EPHA8: variants seen among roughly 807,000 people sequenced by gnomAD.
EPHA8 encodes the protein ephrin type-A receptor 8.
Under a neutral mutation model 103.6 loss-of-function variants are expected in EPHA8, and 58 were observed. The observed-to-expected ratio is 0.56, with a 90% CI of 0.45 to 0.70. The LOEUF (loss-of-function observed/expected upper bound fraction) is 0.70. EPHA8 is among the 30% of genes least tolerant of loss of function. The probability of loss-of-function intolerance (pLI) is 0.00; values close to 1 mark genes in which losing one functional copy is unlikely to be tolerated. For missense variants in EPHA8, 1,304 were observed against 1,395.2 expected (o/e 0.93, Z 1.04); for synonymous variants, 559 against 572.5 (o/e 0.98, Z 0.34).
chr1:22,595,087 G>C (rs1305476483), intron 7 of EPHA8, 143 bp from the exon 8 acceptor site: 2 of 560,876 alleles, frequency 3.6e-6, no homozygotes. Flanking sequence ...ACTGGCCTGC[G>C]CCCTGACTCT....
At chr1:22,568,905 C>T (rs1335243201) in intron 1 of EPHA8, among the ~76,000 whole-genome samples, 1 of 152,212 alleles carries the variant, frequency 6.6e-6, no homozygotes, top group Admixed American at 6.5e-5. Flanking sequence ...AGCTGAGACT[C>T]AGGGAGGTGA....
At chr1:22,587,432 T>G (rs1451717925) in intron 4 of EPHA8, among the ~76,000 whole-genome samples, 1 of 152,180 alleles carries the variant, frequency 6.6e-6, no homozygotes, top group Non-Finnish European at 1.5e-5. Flanking sequence ...CAAGGGTGCA[T>G]GTGCCTGGAG....
rs766039736 is a variant in EPHA8 at position 22,576,371 on chromosome 1, T to TG, written c.315dup (p.Arg106AlafsTer97). On this transcript the variant is annotated frameshift_variant, in exon 3 of 17. Transcript: ENST00000166244. LOFTEE classifies it high-confidence loss of function. The surrounding 1 kb of genome is among the most constrained non-coding windows in gnomAD (Gnocchi z 4.8). Reference sequence around the variant, plus strand: ...GTCTATGCTGAGATCAAGTTTACCCTGCGCGACTGCAACAGCATGCCTGGT... The same window carrying TG: ...GTCTATGCTGAGATCAAGTTTACCCTGGCGCGACTGCAACAGCATGCCTGGT... The TG allele has an allele frequency of 6.2e-7, 1 of 1,613,658 alleles. No homozygotes were observed. The highest frequency in any genetic ancestry group is 8.5e-7 in the Non-Finnish European group (1 of 1,179,990).
Position 22,601,613 on chromosome 1 carries a change from C to A in EPHA8, c.2904-14C>A. ...TCCCAGGCCCAGCTGGCCAGCAGCA[C>A]CCTTCCTTCACAGGGACGTGCGCGC... On this transcript the variant is annotated splice_polypyrimidine_tract_variant and intron_variant, in intron 16 of 16. Coordinates refer to ENST00000166244, the MANE Select transcript of EPHA8 (RefSeq NM_020526.5). The A allele has an allele frequency of 2.5e-6, 4 of 1,585,578 alleles. No homozygotes were observed. The highest frequency in any genetic ancestry group is 3.4e-6 in the Non-Finnish European group (4 of 1,166,160).
chr1:22,578,211 TGC>T (rs1375040108), intron 3 of EPHA8, among the ~76,000 whole-genome samples: 3 of 137,544 alleles, frequency 2.2e-5, no homozygotes, highest in Non-Finnish European at 4.8e-5. Flanking sequence ...TGCGAGTGTG[TGC>T]GTGTGAGTGT....
chr1:22,583,888 A>G (rs2148244954), intron 3 of EPHA8, among the ~76,000 whole-genome samples: 1 of 152,324 alleles, frequency 6.6e-6, no homozygotes, highest in Non-Finnish European at 1.5e-5. Flanking sequence ...GGCTTCCCTC[A>G]GGCCCCGCAT....
Position 22,595,310 on chromosome 1 carries a change from A to G in EPHA8, c.1684A>G (p.Ile562Val), listed in dbSNP as rs973512254. Residue 562 changes from isoleucine (I) to valine (V), a missense_variant, in exon 8 of 17, where the codon ATC (isoleucine) becomes GTC (valine). Coordinates refer to ENST00000166244, the MANE Select transcript of EPHA8 (RefSeq NM_020526.5). ...CCTGGTGGTGCTTCTGCTCCTGCTC[A>G]TCTGCAAGAAGAGGTGGGTGGTCTG... ...TGLVVLLLLL[I>V]CKKRHCGYSK... is the part of the protein sequence containing the mutation. 6.2e-7 allele frequency: 1 copy of G among 1,613,324 alleles called. No homozygotes were observed. The highest frequency in any genetic ancestry group is 1.3e-5 in the African/African-American group (1 of 74,988).
chr1:22,571,413 C>T (rs1009365895), intron 2 of EPHA8, among the ~76,000 whole-genome samples: 8 of 152,182 alleles, frequency 5.3e-5, no homozygotes, highest in Admixed American at 2.6e-4. Flanking sequence ...CATCATCAAG[C>T]AGGTTCCAGC....
chr1:22,580,598 CA>C (rs1005140734), intron 3 of EPHA8, among the ~76,000 whole-genome samples: 8 of 152,226 alleles, frequency 5.3e-5, no homozygotes, highest in Admixed American at 2.0e-4. Flanking sequence ...CCCCAGGCCA[CA>C]AGCTCTCATG....
intron 3 of EPHA8, among the ~76,000 whole-genome samples, chr1:22,578,261 C>T (rs960807483): frequency 4.2e-5 from 5 of 119,876 alleles, no homozygotes; most frequent in African/African-American, 9.8e-5. Flanking sequence ...TCTGTATACC[C>T]GTGTGTGCAT....
At chr1:22,588,783 TC>T in intron 4 of EPHA8, 87 bp from the exon 5 acceptor site, 1 of 1,500,180 alleles carries the variant, frequency 6.7e-7, no homozygotes, top group Non-Finnish European at 8.8e-7. Flanking sequence ...GGGGAGCCCT[TC>T]CCTTGGGGAG....
At chr1:22,565,406 T>C (rs866600217) in intron 1 of EPHA8, among the ~76,000 whole-genome samples, 2 of 149,068 alleles carry the variant, frequency 1.3e-5, no homozygotes, top group African/African-American at 5.0e-5. Context: ...GGTTGGGGGG[T>C]GCTGGGGAGT....
intron 3 of EPHA8, 123 bp downstream of exon 3, chr1:22,577,003 G>A: frequency 1.7e-6 from 2 of 1,153,116 alleles, no homozygotes; most frequent in South Asian, 3.3e-5. Flanking sequence ...ACAGCCCCTG[G>A]GAAGATGGAT....
intron 4 of EPHA8, among the ~76,000 whole-genome samples, chr1:22,588,329 G>A (rs1460977868): frequency 6.7e-6 from 1 of 149,050 alleles, no homozygotes; most frequent in Non-Finnish European, 1.5e-5. Context: ...CAAAGTCTTT[G>A]TGCTGCCCAG....
rs201818748 is a variant in EPHA8 at position 22,589,015 on chromosome 1, G to A, written c.1124G>A (p.Arg375His). The change falls in exon 5 of 17, where the codon CGC becomes CAC. Residue 375 changes from arginine (R) to histidine (H), a missense_variant. Arg to His is a conservative substitution (Grantham distance 29). Coordinates refer to ENST00000166244, the MANE Select transcript of EPHA8 (RefSeq NM_020526.5). The surrounding 1 kb of genome is among the most constrained non-coding windows in gnomAD (Gnocchi z 4.3). The stretch of plus-strand genomic sequence containing the variant: ...CGCCGCTGCCCCTGGGCACTGAGCC[G>A]CTGCGAGGCATGTGGGAGCGGCACC... ...VCRRCPWALS[R>H]CEACGSGTRF... The A allele has an allele frequency of 1.6e-4, 256 of 1,612,670 alleles. 1 individual carries two copies. The Middle Eastern group carries it at 2.6e-3, about 17-fold the overall frequency.
rs753771091 is a variant in EPHA8 at position 22,589,082 on chromosome 1, G to T, written c.1191G>T (p.Leu397=). ...AGACAAGCCTGGTGCAGGCCAGCCTGCTGGTGGCCAACCTGCTGGCCCACA... is the reference window on the plus strand; with the variant it reads ...AGACAAGCCTGGTGCAGGCCAGCCTTCTGGTGGCCAACCTGCTGGCCCACA... ...PQQTSLVQAS[L]LVANLLAHMN... is the part of the protein sequence containing the mutation. The change falls in exon 5 of 17, where the codon CTG becomes CTT. Residue 397 remains leucine (L), a synonymous_variant. Transcript: ENST00000166244. This position sits in a 1 kb window ranked among gnomAD's most constrained non-coding sequence, Gnocchi z 4.3. The T allele has an allele frequency of 1.9e-6, 3 of 1,613,418 alleles. No individual in the cohort carries two copies. Among genetic ancestry groups the T allele is most frequent in the African/African-American group, 2.7e-5 (2 of 74,938 alleles).
In EPHA8 at chr1:22,600,805, C is replaced by T. The variant is rs569320402; in HGVS notation, c.2533C>T (p.Arg845Trp). The T allele has an allele frequency of 3.5e-5, 57 of 1,605,916 alleles. No individual in the cohort carries two copies. Among genetic ancestry groups the T allele is most frequent in the East Asian group, 8.9e-5 (4 of 44,728 alleles). ...GERPYWNMTN[R>W]DVISSVEEGY... Reference sequence around the variant, plus strand: ...GCGGCCCTACTGGAACATGACCAACCGGGATGTGAGTGCCAAGCCCTGGCA... The same window carrying T: ...GCGGCCCTACTGGAACATGACCAACTGGGATGTGAGTGCCAAGCCCTGGCA... The change falls in exon 14 of 17, where the codon CGG (arginine) becomes TGG (tryptophan). Residue 845 changes from arginine to tryptophan, a missense_variant. Arg to Trp is a moderately radical substitution (Grantham distance 101, BLOSUM62 -3). Transcript: ENST00000166244.
chr1:22,599,898 AG>A (rs2148270373), intron 13 of EPHA8, among the ~76,000 whole-genome samples: 1 of 58,884 alleles, frequency 1.7e-5, no homozygotes, highest in African/African-American at 7.9e-5. Flanking sequence ...GGAGGAAGGA[AG>A]GAAGGGAGGG....
At chr1:22,586,381 G>C in intron 3 of EPHA8, 99 bp from the exon 4 acceptor site, 1 of 1,444,324 alleles carries the variant, frequency 6.9e-7, no homozygotes, top group Non-Finnish European at 9.4e-7. Context: ...CATCCCTCTG[G>C]GGCACCCCCC....
Sources: allele counts gnomAD v4.1 joint callset (sites outside exome capture counted in the v4.1 genomes callset), GRCh38; gene constraint gnomAD v4.1.1; non-coding constraint Gnocchi (gnomAD v3.1); transcripts MANE v1.5; gene names NCBI Gene and HGNC (gene_info 2026-07-23, HGNC 2026-07-21).